The following CSMD1 variants were observed in gnomAD, a reference collection of about 807,000 sequenced individuals.
CSMD1 encodes CUB and Sushi multiple domains 1, also known as CUB and sushi domain-containing protein 1.
CSMD1 carries 213 observed loss-of-function variants against 417.5 expected under a neutral mutation model. The observed-to-expected ratio is 0.51, with a 90% CI of 0.46 to 0.57. The LOEUF (loss-of-function observed/expected upper bound fraction) is 0.57, where lower values mean the gene tolerates loss of function less well. Ranked by LOEUF, CSMD1 falls within the 20% of genes least tolerant of loss-of-function variation. The probability of loss-of-function intolerance (pLI) is 0.00; values close to 1 mark genes in which losing one functional copy is unlikely to be tolerated. For synonymous variants in CSMD1, 2,862 were observed against 1,736.8 expected (o/e 1.65, Z -16.11); for missense variants, 6,923 against 4,529.7 (o/e 1.53, Z -15.17).
At chr8:3,582,120 T>G (rs1349598611) in intron 9 of CSMD1, among the ~76,000 whole-genome samples, 1 of 152,168 alleles carries the variant, frequency 6.6e-6, no homozygotes, top group African/African-American at 2.4e-5. Flanking sequence ...ATACTATTTT[T>G]TGTGGTAATG....
chr8:4,436,954 G>T (rs985675381), intron 2 of CSMD1, among the ~76,000 whole-genome samples: 9 of 152,120 alleles, frequency 5.9e-5, no homozygotes, highest in African/African-American at 1.9e-4. Context: ...ATCTTACCTA[G>T]AGTGTACAGT....
chr8:4,305,694 C>A (rs1286451774), intron 3 of CSMD1, among the ~76,000 whole-genome samples: 1 of 152,184 alleles, frequency 6.6e-6, no homozygotes, highest in Non-Finnish European at 1.5e-5. Flanking sequence ...CAAAATGTGT[C>A]CTCCTGCAAA....
intron 3 of CSMD1, among the ~76,000 whole-genome samples, chr8:4,107,318 G>A (rs562628580): frequency 6.6e-6 from 1 of 152,176 alleles, no homozygotes; most frequent in Non-Finnish European, 1.5e-5. Flanking sequence ...TCCTGAAATA[G>A]AGAGGATTTC....
At chr8:3,936,478 G>A (rs948160313) in intron 5 of CSMD1, among the ~76,000 whole-genome samples, 3 of 152,156 alleles carry the variant, frequency 2.0e-5, no homozygotes, top group Non-Finnish European at 4.4e-5. Flanking sequence ...TGAAGCCAGT[G>A]CTCATCTACC....
At chr8:4,439,747 T>C (rs1433927126) in intron 2 of CSMD1, among the ~76,000 whole-genome samples, 1 of 152,146 alleles carries the variant, frequency 6.6e-6, no homozygotes, top group African/African-American at 2.4e-5. Flanking sequence ...CATAAATCAG[T>C]TTTGTGTTAC....
chr8:4,722,865 C>CA (rs1204056640), intron 1 of CSMD1, among the ~76,000 whole-genome samples: 19 of 151,892 alleles, frequency 1.3e-4, no homozygotes, highest in African/African-American at 4.6e-4. Flanking sequence ...GATATCTCAA[C>CA]AAAAAAAGAT....
At chr8:4,826,799 A>C (rs1799858562) in intron 1 of CSMD1, among the ~76,000 whole-genome samples, 1 of 152,166 alleles carries the variant, frequency 6.6e-6, no homozygotes, top group Non-Finnish European at 1.5e-5. Flanking sequence ...GTACAGGCTT[A>C]ATGTACTTTT....
chr8:3,977,297 A>G (rs771345993), intron 5 of CSMD1, among the ~76,000 whole-genome samples: 41 of 152,228 alleles, frequency 2.7e-4, no homozygotes, highest in Non-Finnish European at 2.8e-4. Flanking sequence ...TTCCCTGAAG[A>G]CAGATCCCAT....
intron 1 of CSMD1, among the ~76,000 whole-genome samples, chr8:4,819,425 T>C (rs1032859618): frequency 6.6e-6 from 1 of 151,294 alleles, no homozygotes; most frequent in Non-Finnish European, 1.5e-5. Context: ...ATAGAGCAAA[T>C]AAAATTTCCC....
At chr8:3,228,735 CT>C (rs1023103833) in intron 27 of CSMD1, among the ~76,000 whole-genome samples, 1 of 151,310 alleles carries the variant, frequency 6.6e-6, no homozygotes, top group Non-Finnish European at 1.5e-5. Flanking sequence ...AGTTATATTG[CT>C]TTTTAATGTA....
chr8:3,459,378 T>C (rs1210608871), intron 12 of CSMD1, among the ~76,000 whole-genome samples: 1 of 152,084 alleles, frequency 6.6e-6, no homozygotes, highest in Non-Finnish European at 1.5e-5. Flanking sequence ...AATCGCACGG[T>C]GGATCCTTCT....
intron 10 of CSMD1, among the ~76,000 whole-genome samples, chr8:3,571,930 A>G (rs756755786): frequency 3.9e-4 from 59 of 152,170 alleles, no homozygotes; most frequent in Non-Finnish European, 7.5e-4. Context: ...GAAGAAGTGA[A>G]GTTACTGCGT....
At chr8:3,193,751 G>A (rs999649782) in intron 33 of CSMD1, among the ~76,000 whole-genome samples, 1 of 152,134 alleles carries the variant, frequency 6.6e-6, no homozygotes, top group Non-Finnish European at 1.5e-5. Context: ...GAGGCAGAAC[G>A]CTCTCCTCTG....
chr8:3,572,892 A>G (rs1344225977), intron 10 of CSMD1, among the ~76,000 whole-genome samples: 1 of 152,186 alleles, frequency 6.6e-6, no homozygotes, highest in Non-Finnish European at 1.5e-5. Flanking sequence ...ACTTTTCTAA[A>G]TTCTCAATAT....
intron 26 of CSMD1, among the ~76,000 whole-genome samples, chr8:3,257,794 G>C (rs572278256): frequency 6.6e-6 from 1 of 152,282 alleles, no homozygotes; most frequent in African/African-American, 2.4e-5. Context: ...AGGGAGGTGT[G>C]AGGGCGATCG....
chr8:3,783,426 G>A (rs938049039), intron 5 of CSMD1, among the ~76,000 whole-genome samples: 13 of 152,296 alleles, frequency 8.5e-5, no homozygotes, highest in South Asian at 2.1e-4. Flanking sequence ...GGCCCTGGGC[G>A]GCCCTATGCT....
intron 25 of CSMD1, among the ~76,000 whole-genome samples, chr8:3,306,498 C>G (rs371034254): frequency 6.6e-6 from 1 of 152,018 alleles, no homozygotes; most frequent in African/African-American, 2.4e-5. Context: ...TTCAGCTTCA[C>G]GTATGTGTAG....
At chr8:3,786,395 G>C (rs1020060935) in intron 5 of CSMD1, among the ~76,000 whole-genome samples, 1 of 152,008 alleles carries the variant, frequency 6.6e-6, no homozygotes, top group African/African-American at 2.4e-5. Context: ...GAGAAGAAGA[G>C]GATCGAACAA....
At chr8:4,131,973 C>G (rs987970993) in intron 3 of CSMD1, among the ~76,000 whole-genome samples, 1 of 151,784 alleles carries the variant, frequency 6.6e-6, no homozygotes, top group African/African-American at 2.4e-5. Context: ...ACCATGTTAG[C>G]CAGGATGGTC....
Sources: gnomAD v4.1 joint callset for allele counts (sites outside exome capture counted in the v4.1 genomes callset) on GRCh38, gnomAD v4.1.1 for gene constraint, MANE v1.5 for transcripts, NCBI Gene and HGNC (gene_info 2026-07-23, HGNC 2026-07-21) for gene names.